ZNF385D: variants seen among roughly 807,000 people sequenced by gnomAD.
ZNF385D encodes the protein zinc finger protein 659.
ZNF385D carries 15 observed loss-of-function variants against 35.8 expected under a neutral mutation model. That is an observed-to-expected ratio of 0.42 (90% confidence interval 0.28 to 0.64). The LOEUF (loss-of-function observed/expected upper bound fraction) is 0.64, where lower values mean the gene tolerates loss of function less well. Ranked by LOEUF, ZNF385D falls within the 30% of genes least tolerant of loss-of-function variation. ZNF385D has a pLI of 0.23. For synonymous variants in ZNF385D, 212 were observed against 186.8 expected, an observed-to-expected ratio of 1.13 and a Z score of -1.10; for missense variants, 474 against 494.6, an observed-to-expected ratio of 0.96 and a Z score of 0.39.
At chr3:21,645,653 C>G (rs2065727611) in intron 2 of ZNF385D, among the ~76,000 whole-genome samples, 1 of 152,132 alleles carries the variant, frequency 6.6e-6, no homozygotes, top group African/African-American at 2.4e-5. Flanking sequence ...AAGTTCCCTG[C>G]AGTCTCCACC....
intron 3 of ZNF385D, among the ~76,000 whole-genome samples, chr3:21,981,144 C>T (rs1694421378): frequency 6.6e-6 from 1 of 152,120 alleles, no homozygotes; most frequent in African/African-American, 2.4e-5. Context: ...AATCACTATG[C>T]TGCTTTCCAC....
chr3:22,252,498 CA>C, intron 2 of ZNF385D, among the ~76,000 whole-genome samples: 1 of 151,970 alleles, frequency 6.6e-6, no homozygotes, highest in East Asian at 1.9e-4. Flanking sequence ...AAGATATGAG[CA>C]GAGTTCATGG....
intron 3 of ZNF385D, among the ~76,000 whole-genome samples, chr3:21,548,815 T>C (rs1356111940): frequency 2.6e-5 from 4 of 152,306 alleles, no homozygotes; most frequent in African/African-American, 9.6e-5. Flanking sequence ...ATAAAAACAT[T>C]ATGTTAGGGA....
At chr3:22,061,078 C>G (rs1290162244) in intron 3 of ZNF385D, among the ~76,000 whole-genome samples, 1 of 151,876 alleles carries the variant, frequency 6.6e-6, no homozygotes, top group Non-Finnish European at 1.5e-5. Flanking sequence ...ATTACTAGAG[C>G]TCGGGTAACA....
chr3:22,345,169 TTAA>T (rs1178818836), intron 2 of ZNF385D, among the ~76,000 whole-genome samples: 4 of 152,186 alleles, frequency 2.6e-5, no homozygotes, highest in African/African-American at 4.8e-5. Flanking sequence ...ACTAATAATT[TTAA>T]TATTATTGTT....
chr3:21,819,339 T>C (rs1057141754), intron 3 of ZNF385D, among the ~76,000 whole-genome samples: 2 of 151,258 alleles, frequency 1.3e-5, no homozygotes, highest in African/African-American at 4.8e-5. Flanking sequence ...GACTGGAAAA[T>C]AGAATAGTTA....
chr3:21,429,739 C>G (rs751743969), intron 5 of ZNF385D, among the ~76,000 whole-genome samples: 1 of 151,896 alleles, frequency 6.6e-6, no homozygotes, highest in Non-Finnish European at 1.5e-5. Context: ...AATTTGAATA[C>G]CTTTAAGTTT....
chr3:21,857,068 A>T (rs1195620419), intron 3 of ZNF385D, among the ~76,000 whole-genome samples: 1 of 152,038 alleles, frequency 6.6e-6, no homozygotes, highest in Non-Finnish European at 1.5e-5. Context: ...TTTCTCATTT[A>T]GGCCTTTCCT....
At chr3:21,581,272 A>T (rs1220217359) in intron 2 of ZNF385D, among the ~76,000 whole-genome samples, 2 of 152,110 alleles carry the variant, frequency 1.3e-5, no homozygotes, top group Non-Finnish European at 2.9e-5. Context: ...TTCAGTCTTT[A>T]TCACTTGTAT....
At chr3:21,669,706 G>A (rs948242965) in intron 1 of ZNF385D, among the ~76,000 whole-genome samples, 5 of 152,124 alleles carry the variant, frequency 3.3e-5, no homozygotes, top group South Asian at 2.1e-4. Flanking sequence ...GCCAACTGGC[G>A]CTCACCACAT....
intron 3 of ZNF385D, among the ~76,000 whole-genome samples, chr3:21,926,631 C>G (rs1232384336): frequency 6.6e-6 from 1 of 152,014 alleles, no homozygotes; most frequent in Non-Finnish European, 1.5e-5. Context: ...CTTCCTTACA[C>G]CTTATACAAA....
intron 3 of ZNF385D, among the ~76,000 whole-genome samples, chr3:22,144,737 CAAGT>C (rs1340231411): frequency 6.6e-6 from 1 of 151,864 alleles, no homozygotes; most frequent in Non-Finnish European, 1.5e-5. Flanking sequence ...TACAATTATT[CAAGT>C]AAATAAGCAA....
At chr3:22,050,922 G>T (rs1699314397) in intron 3 of ZNF385D, among the ~76,000 whole-genome samples, 2 of 25,312 alleles carry the variant, frequency 7.9e-5, no homozygotes, top group African/African-American at 1.3e-4. Flanking sequence ...TTCCAACTAT[G>T]TGGTCAATTT....
chr3:21,865,324 G>T (rs1697288462), intron 3 of ZNF385D, among the ~76,000 whole-genome samples: 1 of 151,892 alleles, frequency 6.6e-6, no homozygotes, highest in African/African-American at 2.4e-5. Context: ...TTTAGAATTT[G>T]TGACTTATTG....
chr3:22,057,657 G>A (rs1350315338), intron 3 of ZNF385D, among the ~76,000 whole-genome samples: 2 of 151,848 alleles, frequency 1.3e-5, no homozygotes, highest in Non-Finnish European at 2.9e-5. Flanking sequence ...CGACAGGCAG[G>A]CGCACACCAC....
chr3:21,924,462 C>A (rs1473476936), intron 3 of ZNF385D, among the ~76,000 whole-genome samples: 1 of 152,180 alleles, frequency 6.6e-6, no homozygotes, highest in Non-Finnish European at 1.5e-5. Context: ...CCTAGTATCA[C>A]AGAAAACTTT....
At chr3:21,456,367 A>G (rs1159326273) in intron 4 of ZNF385D, among the ~76,000 whole-genome samples, 1 of 152,232 alleles carries the variant, frequency 6.6e-6, no homozygotes, top group Non-Finnish European at 1.5e-5. Context: ...CTGGGTTAAG[A>G]AAACGTGGCA....
chr3:21,930,383 T>C (rs902017594), intron 3 of ZNF385D, among the ~76,000 whole-genome samples: 2 of 151,112 alleles, frequency 1.3e-5, no homozygotes, highest in Non-Finnish European at 2.9e-5. Flanking sequence ...ATTAGGCAAT[T>C]GCTACTCAGC....
intron 3 of ZNF385D, among the ~76,000 whole-genome samples, chr3:21,773,841 C>T (rs577649949): frequency 6.6e-6 from 1 of 152,014 alleles, no homozygotes; most frequent in Admixed American, 6.5e-5. Flanking sequence ...TTAGTTCAAC[C>T]ATTGTGGAAG....
Sources: allele counts gnomAD v4.1 joint callset (sites outside exome capture counted in the v4.1 genomes callset), GRCh38; gene constraint gnomAD v4.1.1; transcripts MANE v1.5; gene names NCBI Gene and HGNC (gene_info 2026-07-23, HGNC 2026-07-21).